The following SNX15 variants were observed in gnomAD, a reference collection of about 807,000 sequenced individuals.
The protein encoded by SNX15 is sorting nexin-15.
Under a neutral mutation model 35.2 loss-of-function variants are expected in SNX15, and 29 were observed. The observed-to-expected ratio is 0.82, with a 90% CI of 0.61 to 1.12. SNX15 has a LOEUF of 1.12. Among genes scored for constraint, SNX15 ranks in the 50% most tolerant of loss-of-function variants. The pLI, the probability that SNX15 is intolerant of heterozygous loss-of-function variation, is 0.00. For synonymous variants in SNX15, 189 were observed against 188.2 expected (o/e 1.00, Z -0.03); for missense variants, 400 against 451.5 (o/e 0.89, Z 1.03).
Position 65,035,644 on chromosome 11 carries a change from C to T in SNX15, c.645C>T (p.Phe215=), listed in dbSNP as rs760017190. 1.4e-5 allele frequency: 23 copies of T among 1,607,910 alleles called. No individual in the cohort carries two copies. Among genetic ancestry groups the T allele is most frequent in the African/African-American group, 4.0e-5 (3 of 74,708 alleles). Residue 215 remains phenylalanine (F), a synonymous_variant, in exon 6 of 8, where the codon TTC becomes TTT. Transcript: ENST00000377244. ...TCACCGAGGCTGAGCTTGCCCTCTT[C>T]GACCCCTTCTCCAAGGAAGGTAATG... ...GPLTEAELAL[F]DPFSKEEGAA...
chr11:65,032,418 A>G lies in SNX15; in HGVS notation c.136-13A>G, dbSNP rs200550653. 10 of 1,613,960 alleles carry G rather than the reference A, an allele frequency of 6.2e-6. No individual in the cohort carries two copies. The African/African-American group carries it at 6.7e-5, about 11-fold the overall frequency. ...CCATTGCTGGTTCTGGGCAAGTCTC[A>G]TGTACCTCATAGGTGGTGGTCTGGA... On this transcript the variant is annotated splice_polypyrimidine_tract_variant and intron_variant, in intron 2 of 7. Coordinates refer to ENST00000377244, the MANE Select transcript of SNX15 (RefSeq NM_013306.5).
intron 3 of SNX15, 69 bp downstream of exon 3, chr11:65,032,620 G>A: frequency 1.9e-6 from 3 of 1,594,090 alleles, no homozygotes; most frequent in African/African-American, 1.3e-5. Flanking sequence ...ACCTCCGCCA[G>A]TGGGGGCTGG....
At position 65,027,505 on chromosome 11, in the gene SNX15, G is replaced by C. The variant is rs768663767; in HGVS notation, c.-33G>C. The C allele has an allele frequency of 6.3e-7, 1 of 1,586,992 alleles. No individual in the cohort carries two copies. Among genetic ancestry groups the C allele is most frequent in the Non-Finnish European group, 8.6e-7 (1 of 1,156,172 alleles). ...GGGGTGGGGACGGCGAGGAGGTGGA[G>C]GCCGGCGCTCCGCTCCGCTCCAGCT... is the stretch of plus-strand genomic sequence containing the variant. On this transcript the variant is annotated 5_prime_UTR_variant, in exon 1 of 8. Transcript: ENST00000377244.
At position 65,039,740 on chromosome 11, in the gene SNX15, T is replaced by G. The variant is rs1946557488; in HGVS notation, c.977T>G (p.Leu326Arg). The G allele has an allele frequency of 1.1e-5, 17 of 1,613,656 alleles. No homozygotes were observed. The highest frequency in any genetic ancestry group is 1.4e-5 in the Non-Finnish European group (17 of 1,179,842). The change falls in exon 8 of 8, where the codon CTG (leucine) becomes CGG (arginine). Residue 326 changes from leucine to arginine, a missense_variant. Coordinates refer to ENST00000377244, the MANE Select transcript of SNX15 (RefSeq NM_013306.5). ...GTGAAGAAGAAGGCAGCTGAGTACC[T>G]GAAGCGGGCAGAGGAGATCCTGCGC... ...EGVKKKAAEY[L>R]KRAEEILRLH...
intron 7 of SNX15, 68 bp downstream of exon 7, chr11:65,038,897 A>G: frequency 7.5e-7 from 1 of 1,332,674 alleles, no homozygotes; most frequent in African/African-American, 1.5e-5. Flanking sequence ...AGGGAGCAAA[A>G]AAACAAGCAA....
intron 6 of SNX15, 112 bp from the exon 7 acceptor site, chr11:65,038,460 C>T (rs1946528400): frequency 2.2e-6 from 3 of 1,379,194 alleles, no homozygotes; most frequent in East Asian, 2.5e-5. Flanking sequence ...CATTGGTCCC[C>T]TCTACTGGGG....
intron 2 of SNX15, 80 bp from the exon 3 acceptor site, chr11:65,032,351 G>A (rs689361): frequency 0.096 from 154,483 of 1,606,620 alleles, 9,373 homozygotes; most frequent in African/African-American, 0.23. Context: ...TGATCCTCAC[G>A]CCCCCTGGGG....
Position 65,034,844 on chromosome 11 carries a change from T to C in SNX15, c.257-3T>C, listed in dbSNP as rs1204227188. 15 of 1,613,024 alleles carry C rather than the reference T, an allele frequency of 9.3e-6. No individual in the cohort carries two copies. Among genetic ancestry groups the C allele is most frequent in the Non-Finnish European group, 1.2e-5 (14 of 1,179,296 alleles). On this transcript the variant is annotated splice_polypyrimidine_tract_variant and splice_region_variant and intron_variant, in intron 3 of 7. Coordinates refer to ENST00000377244, the MANE Select transcript of SNX15 (RefSeq NM_013306.5). ...CCCCTGTTCCTTGTCCTGGGGGCCG[T>C]AGGCCGGTTTGAAGCCTCAGTGATC... is the stretch of plus-strand genomic sequence containing the variant.
intron 7 of SNX15, among the ~76,000 whole-genome samples, chr11:65,039,473 C>T (rs1439003031): frequency 2.6e-5 from 4 of 152,158 alleles, no homozygotes; most frequent in African/African-American, 7.2e-5. Context: ...CCACCCACCT[C>T]GGCCTCCCAA....
Position 65,032,490 on chromosome 11 carries a change from C to T in SNX15, c.195C>T (p.Thr65=), listed in dbSNP as rs1481291780. 2 of 1,614,168 alleles carry T rather than the reference C, an allele frequency of 1.2e-6. No homozygotes were observed. The highest frequency in any genetic ancestry group is 1.7e-6 in the Non-Finnish European group (2 of 1,180,030). ...FRKLHGDLAY[T]HRNLFRRLEE... is the part of the protein sequence containing the mutation. ...AGCTGCATGGAGACCTGGCCTACAC[C>T]CACCGCAACCTCTTCCGCCGCCTCG... Residue 65 remains threonine (T), a synonymous_variant, in exon 3 of 8, where the codon ACC becomes ACT. Transcript: ENST00000377244.
At chr11:65,033,371 C>T (rs925307160) in intron 3 of SNX15, among the ~76,000 whole-genome samples, 6 of 151,728 alleles carry the variant, frequency 4.0e-5, no homozygotes, top group Admixed American at 3.3e-4. Flanking sequence ...GGTGAAACCC[C>T]GTCCCTACTA....
At chr11:65,029,205 CTGGAG>C (rs1346225709) in intron 1 of SNX15, among the ~76,000 whole-genome samples, 3 of 151,946 alleles carry the variant, frequency 2.0e-5, no homozygotes, top group Admixed American at 6.6e-5. Context: ...GTCGCCCAGA[CTGGAG>C]TGAAGTGACT....
rs1411404234 is a variant in SNX15 at position 65,038,591 on chromosome 11, C to T, written c.684C>T (p.Pro228=). 6.4e-7 allele frequency: 1 copy of T among 1,573,046 alleles called. No individual in the cohort carries two copies. The highest frequency in any genetic ancestry group is 2.3e-5 in the East Asian group (1 of 44,282). Residue 228 remains proline, a synonymous_variant, in exon 7 of 8, where the codon CCC becomes CCT. Transcript: ENST00000377244. ...CTGCAGAAGGCGCAGCCCCCAGCCC[C>T]ACCCATGTGGCTGAGCTGGCAACGA... ...FSKEEGAAPS[P]THVAELATME... is the part of the protein sequence containing the mutation.
intron 7 of SNX15, among the ~76,000 whole-genome samples, chr11:65,039,344 C>A (rs1035558139): frequency 3.3e-5 from 5 of 152,030 alleles, no homozygotes; most frequent in African/African-American, 9.7e-5. Flanking sequence ...CTGCCTCAGC[C>A]TCCTGAGTAG....
At chr11:65,038,551 G>T in intron 6 of SNX15, 21 bp from the exon 7 acceptor site, 1 of 1,517,108 alleles carries the variant, frequency 6.6e-7, no homozygotes, top group Non-Finnish European at 8.8e-7. Context: ...TCTGGTCCGA[G>T]TCCTCCCTTT....
chr11:65,027,646 G>T lies in SNX15; in HGVS notation c.99+10G>T. The T allele has an allele frequency of 6.2e-7, 1 of 1,604,680 alleles. No homozygotes were observed. Among genetic ancestry groups the T allele is most frequent in the Non-Finnish European group, 8.5e-7 (1 of 1,171,514 alleles). On this transcript the variant is annotated intron_variant, in intron 1 of 7. Transcript: ENST00000377244. ...CAAAGTAACCGCGCAGGTGAGGTGG[G>T]GCCCAGCGCGTACTTTACCCTTTTA... is the stretch of plus-strand genomic sequence containing the variant.
intron 1 of SNX15, among the ~76,000 whole-genome samples, chr11:65,028,247 G>C (rs1946397271): frequency 6.6e-6 from 1 of 152,144 alleles, no homozygotes. Context: ...AAATGAAACA[G>C]TAAAACAGGA....
chr11:65,032,283 T>G (rs1181774963), intron 2 of SNX15, 80 bp downstream of exon 2: 1 of 1,570,142 alleles, frequency 6.4e-7, no homozygotes, highest in Admixed American at 1.7e-5. Context: ...TAACTCTGCT[T>G]GGACATCGGC....
In SNX15 at chr11:65,034,863, A is replaced by C. The variant is rs1946480826; in HGVS notation, c.273A>C (p.Ser91=). Reference sequence around the variant, plus strand: ...GGGCCGTAGGCCGGTTTGAAGCCTCAGTGATCGAGGAGCGGCGAAAGGGGG... The same window carrying C: ...GGGCCGTAGGCCGGTTTGAAGCCTCCGTGATCGAGGAGCGGCGAAAGGGGG... The part of the protein sequence containing the change: ...RAQVFGRFEA[S]VIEERRKGAE... Residue 91 remains serine (S), a synonymous_variant, in exon 4 of 8, where the codon TCA becomes TCC. Coordinates refer to ENST00000377244, the MANE Select transcript of SNX15 (RefSeq NM_013306.5). The C allele has an allele frequency of 6.2e-7, 1 of 1,613,812 alleles. No individual in the cohort carries two copies. The highest frequency in any genetic ancestry group is 1.7e-5 in the Admixed American group (1 of 59,984).
Sources: allele counts gnomAD v4.1 joint callset (sites outside exome capture counted in the v4.1 genomes callset), GRCh38; gene constraint gnomAD v4.1.1; transcripts MANE v1.5; gene names NCBI Gene and HGNC (gene_info 2026-07-23, HGNC 2026-07-21).